The following APC variants were observed in gnomAD, a reference collection of about 807,000 sequenced individuals.
APC encodes the protein adenomatous polyposis coli protein.
In APC, 72 loss-of-function variants were observed where a neutral mutation model predicts 247.0. The observed-to-expected ratio is 0.29, with a 90% CI of 0.24 to 0.35. The LOEUF (loss-of-function observed/expected upper bound fraction) is 0.35, where lower values mean the gene tolerates loss of function less well. Among genes scored for constraint, APC ranks in the 10% least tolerant of loss-of-function variants. The pLI is 1.00. For missense variants in APC, 3,400 were observed against 3,360.7 expected (o/e 1.01, Z -0.29); for synonymous variants, 1,254 against 1,162.5 (o/e 1.08, Z -1.60).
rs1251824303 is a variant in APC at position 112,827,183 on chromosome 5, T to C, written c.1484T>C (p.Ile495Thr). 2 of 1,613,946 alleles carry C rather than the reference T, an allele frequency of 1.2e-6. No individual in the cohort carries two copies. The highest frequency in any genetic ancestry group is 2.2e-5 in the South Asian group (2 of 91,080). Residue 495 changes from isoleucine (I) to threonine (T), a missense_variant, in exon 12 of 16, where the codon ATT becomes ACT. Ile to Thr is a moderately conservative substitution (Grantham distance 89, BLOSUM62 -1). This residue lies in a region of APC where 199 missense variants were observed against 212.5 expected (regional missense o/e 0.94). Transcript: ENST00000257430. ...GGGCTTACTAATGACCACTACAGTA[T>C]TACACTAAGACGATATGCTGGAATG... is the stretch of plus-strand genomic sequence containing the variant. ...MYGLTNDHYS[I>T]TLRRYAGMAL...
At position 112,844,388 on chromosome 5, in the gene APC, G is replaced by A; in HGVS notation, c.*262G>A. 5.0e-6 allele frequency: 2 copies of A among 404,028 alleles called. No homozygotes were observed. Among genetic ancestry groups the A allele is most frequent in the South Asian group, 4.9e-5 (1 of 20,290 alleles). The allele number at this position is 404,028 out of a possible 1,614,324, so 25.0% of individuals were successfully genotyped here. On this transcript the variant is annotated 3_prime_UTR_variant, in exon 16 of 16. Coordinates refer to ENST00000257430, the MANE Select transcript of APC (RefSeq NM_000038.6). ...GTATGTTTTACATGTATTTAAAGTA[G>A]CATCCCATCCCAACTTCCTTTAATT...
intron 8 of APC, among the ~76,000 whole-genome samples, chr5:112,811,007 A>C (rs1761928681): frequency 7.0e-6 from 1 of 142,470 alleles, no homozygotes; most frequent in South Asian, 2.4e-4. Flanking sequence ...CCTGGGCAAC[A>C]CAGCAAAACT....
intron 2 of APC, among the ~76,000 whole-genome samples, chr5:112,759,356 C>CTTTTTTTTTTTTTTTTTT (rs887438895): frequency 8.2e-6 from 1 of 122,358 alleles, no homozygotes; most frequent in Non-Finnish European, 1.7e-5. Flanking sequence ...TTCTTTCTTT[C>CTTTTTTTTTTTTTTTTTT]TTTTTTTTTT....
upstream of APC, among the ~76,000 whole-genome samples, chr5:112,736,847 G>A (rs1445330976): frequency 6.6e-6 from 1 of 152,208 alleles, no homozygotes; most frequent in Admixed American, 6.5e-5. Context: ...CCGGGAGGTG[G>A]AGGTTGCAGT....
chr5:112,716,536 G>C (rs966426149), intron 1 of APC, among the ~76,000 whole-genome samples: 4 of 151,946 alleles, frequency 2.6e-5, no homozygotes, highest in African/African-American at 7.3e-5. Context: ...ATTGAGTGCA[G>C]GTCTCTGTAT....
chr5:112,720,162 T>TA (rs1316260828), intron 1 of APC, among the ~76,000 whole-genome samples: 1 of 152,250 alleles, frequency 6.6e-6, no homozygotes, highest in Non-Finnish European at 1.5e-5. Context: ...CCTGTATAGA[T>TA]ACTTGATTTG....
At chr5:112,826,886 G>A (rs748297701) in intron 11 of APC, among the ~76,000 whole-genome samples, 3 of 152,122 alleles carry the variant, frequency 2.0e-5, no homozygotes, top group Admixed American at 6.5e-5. Flanking sequence ...GCTGGGGGTG[G>A]AGAAACTGGC....
Position 112,838,682 on chromosome 5 carries a change from A to T in APC, c.3088A>T (p.Lys1030Ter), listed in dbSNP as rs587779786. The part of the protein sequence containing the change: ...ELDTPINYSL[K>*]YSDEQLNSGR... ...AGATACACCAATAAATTATAGTCTT[A>T]AATATTCAGATGAGCAGTTGAACTC... The change falls in exon 16 of 16, where the codon AAA becomes TAA. Residue 1030 changes from lysine (K) to a stop codon, truncating the protein, a stop_gained. Coordinates refer to ENST00000257430, the MANE Select transcript of APC (RefSeq NM_000038.6). LOFTEE classifies it high-confidence loss of function. The T allele has an allele frequency of 6.2e-7, 1 of 1,614,212 alleles. No individual in the cohort carries two copies. The highest frequency in any genetic ancestry group is 8.5e-7 in the Non-Finnish European group (1 of 1,180,038).
At chr5:112,786,467 A>G (rs969451232) in intron 6 of APC, among the ~76,000 whole-genome samples, 2 of 152,142 alleles carry the variant, frequency 1.3e-5, no homozygotes. Flanking sequence ...GTCACCTAGT[A>G]TGGTGGTACT....
intron 1 of APC, among the ~76,000 whole-genome samples, chr5:112,709,479 C>T (rs1355612514): frequency 1.3e-5 from 2 of 152,178 alleles, no homozygotes; most frequent in Non-Finnish European, 2.9e-5. Flanking sequence ...TCTCTGAATT[C>T]TCTGCATACA....
rs1156795069 is a variant in APC, at chr5:112,815,607, A to G, written c.933+14A>G. The G allele has an allele frequency of 1.3e-6, 2 of 1,598,704 alleles. No individual in the cohort carries two copies. The highest frequency in any genetic ancestry group is 1.7e-4 in the Middle Eastern group (1 of 6,002). On this transcript the variant is annotated intron_variant, in intron 9 of 15. Transcript: ENST00000257430. ...CTGGGAACCAAGGTAACAGAAGATT[A>G]CAAACCCTGGTCACTAATGCCATGA...
At chr5:112,710,646 G>A (rs1408848771) in intron 1 of APC, among the ~76,000 whole-genome samples, 1 of 152,178 alleles carries the variant, frequency 6.6e-6, no homozygotes, top group Non-Finnish European at 1.5e-5. Flanking sequence ...CTATGCCACT[G>A]TATTTCTATT....
At chr5:112,799,149 A>G (rs1019168473) in intron 7 of APC, among the ~76,000 whole-genome samples, 20 of 136,140 alleles carry the variant, frequency 1.5e-4, no homozygotes, top group Middle Eastern at 4.5e-3. Flanking sequence ...GCGCCATTGC[A>G]CTCCAGCCTG....
chr5:112,797,279 G>T (rs1223482175), intron 7 of APC, among the ~76,000 whole-genome samples: 1 of 152,158 alleles, frequency 6.6e-6, no homozygotes, highest in East Asian at 1.9e-4. Flanking sequence ...TTTGCCGTTT[G>T]TGGTTTGTTT....
chr5:112,747,494 T>C (rs1474817603), intron 1 of APC, among the ~76,000 whole-genome samples: 2 of 152,212 alleles, frequency 1.3e-5, no homozygotes, highest in African/African-American at 4.8e-5. Flanking sequence ...GTTAGACCAC[T>C]ACACTCATGC....
intron 2 of APC, among the ~76,000 whole-genome samples, chr5:112,763,822 T>G (rs1755942310): frequency 6.6e-6 from 1 of 152,368 alleles, no homozygotes; most frequent in South Asian, 2.1e-4. Flanking sequence ...ATGCAGATTT[T>G]CAGCCTCTAC....
chr5:112,729,221 A>G (rs1426659608), intron 1 of APC, among the ~76,000 whole-genome samples: 2 of 152,162 alleles, frequency 1.3e-5, no homozygotes, highest in African/African-American at 4.8e-5. Flanking sequence ...GTGCAGGAGA[A>G]TCTTGGTTCT....
In APC at chr5:112,783,435, T is replaced by G. The variant is rs76061636; in HGVS notation, c.645+2532T>G. 0.043 allele frequency among the ~76,000 whole-genome samples: 6,567 copies of G among 152,064 alleles called. 386 individuals carry two copies. The highest frequency in any genetic ancestry group is 0.14 in the African/African-American group (5,633 of 41,450). On this transcript the variant is annotated intron_variant, in intron 6 of 15. Coordinates refer to ENST00000257430, the MANE Select transcript of APC (RefSeq NM_000038.6). The stretch of plus-strand genomic sequence containing the variant: ...GATAAAAAGGCAAATAATGGAAATG[T>G]TGGTAGAATATATAAGAGATTTAAT...
intron 5 of APC, chr5:112,777,784 G>T (rs952417570): frequency 1.8e-4 from 45 of 256,314 alleles, no homozygotes; most frequent in Middle Eastern, 3.6e-3. Context: ...AGAAACAGCA[G>T]TTCTCCACTG....
Sources: gnomAD v4.1 joint callset for allele counts (sites outside exome capture counted in the v4.1 genomes callset) on GRCh38, gnomAD v4.1.1 for gene constraint, gnomAD v4.1.1 regional missense constraint, MANE v1.5 for transcripts, NCBI Gene and HGNC (gene_info 2026-07-23, HGNC 2026-07-21) for gene names.